The following TMEM232 variants were observed in gnomAD, a reference collection of about 807,000 sequenced individuals.
TMEM232 encodes transmembrane protein 232.
Under a neutral mutation model 78.8 loss-of-function variants are expected in TMEM232, and 80 were observed. The ratio of observed to expected loss-of-function variants is 1.01; its 90% CI spans 0.85 to 1.22. The LOEUF (loss-of-function observed/expected upper bound fraction) is 1.22. Among genes scored for constraint, TMEM232 ranks in the 50% most tolerant of loss-of-function variants. The pLI is 0.00. For synonymous variants in TMEM232, 297 were observed against 254.3 expected (o/e 1.17, Z -1.60); for missense variants, 881 against 742.2 (o/e 1.19, Z -2.17).
intron 11 of TMEM232, among the ~76,000 whole-genome samples, chr5:110,554,381 G>T (rs1774825284): frequency 1.3e-5 from 2 of 152,118 alleles, no homozygotes; most frequent in Admixed American, 6.6e-5. Flanking sequence ...GACTCTCCTT[G>T]TTCCTCAGCC....
chr5:110,610,504 T>A (rs998966551), intron 8 of TMEM232: 6 of 455,400 alleles, frequency 1.3e-5, no homozygotes, highest in African/African-American at 1.2e-4. Context: ...ATACAAGACC[T>A]TGAAAAAATG....
chr5:110,667,128 C>A (rs1187163723), intron 2 of TMEM232, 100 bp downstream of exon 2: 1 of 959,976 alleles, frequency 1.0e-6, no homozygotes, highest in South Asian at 2.0e-5. Context: ...AAATTTTAAT[C>A]TTTGGTTAGA....
At chr5:110,720,489 C>T (rs1797485363) in intron 1 of TMEM232, 1 of 152,062 alleles carries the variant, frequency 6.6e-6, no homozygotes, top group African/African-American at 2.4e-5. Flanking sequence ...GAGGGAGTCC[C>T]ATCATCTTGG....
At chr5:110,641,988 A>C (rs1786797585) in intron 3 of TMEM232, among the ~76,000 whole-genome samples, 1 of 152,112 alleles carries the variant, frequency 6.6e-6, no homozygotes, top group Non-Finnish European at 1.5e-5. Context: ...TTTTTTTAAA[A>C]AAATATAATT....
intron 5 of TMEM232, among the ~76,000 whole-genome samples, chr5:110,635,386 G>C (rs926246509): frequency 6.6e-6 from 1 of 151,854 alleles, no homozygotes; most frequent in Non-Finnish European, 1.5e-5. Context: ...AACAAAGAAA[G>C]AAAACTACAG....
intron 1 of TMEM232, among the ~76,000 whole-genome samples, chr5:110,690,032 C>A (rs938889784): frequency 6.6e-6 from 1 of 152,126 alleles, no homozygotes; most frequent in Non-Finnish European, 1.5e-5. Context: ...CCATAAAAAC[C>A]TTAGAAGAAA....
At position 110,419,737 on chromosome 5, in the gene TMEM232, T is replaced by C. The variant is rs311695; in HGVS notation, c.*843A>G. 0.28 allele frequency among the ~76,000 whole-genome samples: 41,981 copies of C among 151,980 alleles called. 9,606 individuals are homozygous for C. The highest frequency in any genetic ancestry group is 0.62 in the African/African-American group (25,522 of 41,436). On this transcript the variant is annotated 3_prime_UTR_variant, in exon 14 of 14. Transcript: ENST00000455884. ...CTGTCTCTTGAGTATCACCAAGTCA[T>C]CTGTGTGAAATCGAGGTATGAGTAT...
At chr5:110,521,055 A>G (rs1434749140) in intron 12 of TMEM232, among the ~76,000 whole-genome samples, 6 of 152,016 alleles carry the variant, frequency 3.9e-5, no homozygotes, top group South Asian at 2.1e-4. Context: ...TTAAGCTGAG[A>G]GCTGGGCTGG....
intron 12 of TMEM232, among the ~76,000 whole-genome samples, chr5:110,508,908 T>TTA (rs1361298642): frequency 2.1e-5 from 3 of 140,392 alleles, no homozygotes; most frequent in African/African-American, 7.8e-5. Context: ...ATATATAAAA[T>TTA]TATATATATG....
upstream of TMEM232, chr5:110,738,895 T>C (rs952488651): frequency 5.9e-6 from 7 of 1,187,548 alleles, no homozygotes; most frequent in African/African-American, 1.1e-4. Flanking sequence ...ACTTTTAAGG[T>C]CCAGGTTACC....
chr5:110,653,266 T>C (rs983001804), intron 2 of TMEM232, among the ~76,000 whole-genome samples: 13 of 152,230 alleles, frequency 8.5e-5, no homozygotes, highest in Admixed American at 3.3e-4. Flanking sequence ...TTCCATGTCC[T>C]ATAATCTTTG....
At chr5:110,737,825 T>A (rs1351665522) in intron 1 of TMEM232, among the ~76,000 whole-genome samples, 2 of 152,234 alleles carry the variant, frequency 1.3e-5, no homozygotes, top group Non-Finnish European at 2.9e-5. Flanking sequence ...TTTTAAAATT[T>A]ACTATATGGA....
At chr5:110,405,173 T>C (rs1439880614) in intron 2 of TMEM232, among the ~76,000 whole-genome samples, 2 of 152,028 alleles carry the variant, frequency 1.3e-5, no homozygotes, top group Non-Finnish European at 1.5e-5. Flanking sequence ...AAGAGACTAG[T>C]GATACTGAAA....
chr5:110,394,270 C>G (rs768317548), intron 3 of TMEM232, among the ~76,000 whole-genome samples: 1 of 152,158 alleles, frequency 6.6e-6, no homozygotes, highest in Non-Finnish European at 1.5e-5. Flanking sequence ...TATGCAGTTG[C>G]AAATATCAAG....
At chr5:110,667,921 G>T (rs4246008) in intron 1 of TMEM232, among the ~76,000 whole-genome samples, 151,135 of 152,110 alleles carry the variant, frequency 0.99, 75,094 homozygotes, top group Non-Finnish European at 1. Flanking sequence ...CGCCCAGAAT[G>T]TTTTTCCTTT....
At chr5:110,708,548 G>T (rs1796164185) in intron 1 of TMEM232, among the ~76,000 whole-genome samples, 1 of 151,858 alleles carries the variant, frequency 6.6e-6, no homozygotes. Context: ...GACATAGACA[G>T]TATAGTAAGA....
intron 10 of TMEM232, among the ~76,000 whole-genome samples, chr5:110,591,132 A>G (rs926443023): frequency 6.6e-6 from 1 of 152,182 alleles, no homozygotes; most frequent in African/African-American, 2.4e-5. Flanking sequence ...GTTTCTTTGT[A>G]ATAAAGGCTT....
At chr5:110,664,168 A>T (rs1410065817) in intron 2 of TMEM232, among the ~76,000 whole-genome samples, 2 of 152,056 alleles carry the variant, frequency 1.3e-5, no homozygotes, top group Non-Finnish European at 2.9e-5. Context: ...AAAAGGACAC[A>T]CCTGCACAGA....
intron 8 of TMEM232, among the ~76,000 whole-genome samples, chr5:110,615,280 A>C (rs12187994): frequency 0.089 from 13,532 of 151,952 alleles, 629 homozygotes; most frequent in Admixed American, 0.13. Flanking sequence ...TACATATACA[A>C]AGGCCTTTGG....
Sources: allele counts gnomAD v4.1 joint callset (sites outside exome capture counted in the v4.1 genomes callset), GRCh38; gene constraint gnomAD v4.1.1; transcripts MANE v1.5; gene names NCBI Gene and HGNC (gene_info 2026-07-23, HGNC 2026-07-21).